BNIPL: variants seen among roughly 807,000 people sequenced by gnomAD.
BNIPL encodes the protein bcl-2/adenovirus E1B 19 kDa-interacting protein 2-like protein.
In BNIPL, 33 loss-of-function variants were observed where a neutral mutation model predicts 47.0. The observed-to-expected ratio is 0.70, with a 90% CI of 0.53 to 0.94. The LOEUF (loss-of-function observed/expected upper bound fraction) is 0.94, where lower values mean the gene tolerates loss of function less well. Ranked by LOEUF, BNIPL falls within the 40% of genes least tolerant of loss-of-function variation. The pLI is 0.00. For missense variants in BNIPL, 404 were observed against 445.2 expected (o/e 0.91, Z 0.83); for synonymous variants, 145 against 162.7 (o/e 0.89, Z 0.83).
In BNIPL at chr1:151,037,776, G is replaced by C. The variant is rs1675669867; in HGVS notation, c.137+114G>C. 14 of 816,712 alleles carry C rather than the reference G, an allele frequency of 1.7e-5. No individual in the cohort carries two copies. In the South Asian group the frequency reaches 2.2e-4, roughly 13 times the overall value. 50.6% of individuals were successfully genotyped at this position (816,712 alleles called of 1,614,324 possible). A position where few individuals can be genotyped will look rare whatever the true frequency, so the allele number is the denominator to read the frequency against. ...AGCACTTTGGGTGGCCGAGGCGGGTGGATCACCTGAGGTCAGGAGTTTGAG... is the reference window on the plus strand; with the variant it reads ...AGCACTTTGGGTGGCCGAGGCGGGTCGATCACCTGAGGTCAGGAGTTTGAG... On this transcript the variant is annotated intron_variant, in intron 2 of 9. Coordinates refer to ENST00000368931, the MANE Select transcript of BNIPL (RefSeq NM_138278.4).
intron 6 of BNIPL, 63 bp downstream of exon 6, chr1:151,043,497 C>G (rs1354227230): frequency 2.6e-6 from 4 of 1,554,876 alleles, no homozygotes; most frequent in Middle Eastern, 1.7e-4. Context: ...AAAAAGAACT[C>G]CTTCAAAGAT....
At position 151,046,059 on chromosome 1, in the gene BNIPL, CTTT is replaced by C. The variant is rs747198088; in HGVS notation, c.939-6_939-4del. Reference sequence around the variant, plus strand: ...ACAAAACACAGTTGATTTATTCTCTCTTTTCAGTTCCAAATTCACACGAAAAAT... The same window carrying C: ...ACAAAACACAGTTGATTTATTCTCTCTCAGTTCCAAATTCACACGAAAAAT... On this transcript the variant is annotated splice_polypyrimidine_tract_variant and splice_region_variant and intron_variant, in intron 8 of 9. Transcript: ENST00000368931. 19 of 1,614,028 alleles carry C rather than the reference CTTT, an allele frequency of 1.2e-5. No homozygotes were observed. Among genetic ancestry groups the C allele is most frequent in the Non-Finnish European group, 1.6e-5 (19 of 1,180,042 alleles).
In BNIPL at chr1:151,038,525, C is replaced by A; in HGVS notation, c.159C>A (p.Gly53=). The change falls in exon 3 of 10, where the codon GGC becomes GGA. Residue 53 remains glycine, a synonymous_variant. Transcript: ENST00000368931. Reference sequence around the variant, plus strand: ...CTAGATTGCTTCCTGAGGAGGCTGGCACTTCTGAAGATCCTGAAGACCCTA... The same window carrying A: ...CTAGATTGCTTCCTGAGGAGGCTGGAACTTCTGAAGATCCTGAAGACCCTA... ...EFPRLLPEEA[G]TSEDPEDPKG... is the part of the protein sequence containing the mutation. 2 of 1,613,650 alleles carry A rather than the reference C, an allele frequency of 1.2e-6. No homozygotes were observed. The highest frequency in any genetic ancestry group is 1.7e-6 in the Non-Finnish European group (2 of 1,179,612).
chr1:151,038,726 A>G lies in BNIPL; in HGVS notation c.203-70A>G, dbSNP rs1675714692. The G allele has an allele frequency of 7.7e-6, 12 of 1,551,084 alleles. No homozygotes were observed. The South Asian group carries it at 1.1e-4, about 14-fold the overall frequency. ...ACCCCATATTATCACTTTCACATAC[A>G]GGAATTCTAGCCCTCTCGGCTCTCC... On this transcript the variant is annotated intron_variant, in intron 3 of 9. Transcript: ENST00000368931.
intron 4 of BNIPL, among the ~76,000 whole-genome samples, chr1:151,042,026 TTTA>T (rs587703205): frequency 6.6e-6 from 1 of 151,522 alleles, no homozygotes. Flanking sequence ...GAATAATTTA[TTTA>T]TTATTATTAT....
At position 151,046,518 on chromosome 1, in the gene BNIPL, A is replaced by C. The variant is rs984105656; in HGVS notation, c.1038-133A>C. 1.2e-5 allele frequency: 10 copies of C among 815,276 alleles called. No individual in the cohort carries two copies. In the African/African-American group the frequency reaches 1.7e-4, roughly 14 times the overall value. 50.5% of individuals were successfully genotyped at this position (815,276 alleles called of 1,614,324 possible). On this transcript the variant is annotated intron_variant, in intron 9 of 9. Coordinates refer to ENST00000368931, the MANE Select transcript of BNIPL (RefSeq NM_138278.4). ...AGTGGGGGAGAGGGTGTTAGGGAGC[A>C]AAAGTGCTAAATGATGACTCAACCC...
intron 9 of BNIPL, 103 bp from the exon 10 acceptor site, chr1:151,046,548 A>G: frequency 9.2e-7 from 1 of 1,092,030 alleles, no homozygotes. Flanking sequence ...CAACCCAATC[A>G]TCTAGCTCTT....
intron 1 of BNIPL, chr1:151,037,304 C>T (rs1675645676): frequency 5.3e-6 from 6 of 1,139,138 alleles, no homozygotes; most frequent in Non-Finnish European, 6.6e-6. Flanking sequence ...TCTCTCACCC[C>T]AACTTTGTAG....
At chr1:151,044,661 C>T (rs1329387679) in intron 7 of BNIPL, among the ~76,000 whole-genome samples, 1 of 152,028 alleles carries the variant, frequency 6.6e-6, no homozygotes, top group Non-Finnish European at 1.5e-5. Context: ...TGCCATGTTT[C>T]TCAGGCCAGT....
chr1:151,046,283 G>A, intron 9 of BNIPL, 118 bp downstream of exon 9: 1 of 1,453,304 alleles, frequency 6.9e-7, no homozygotes, highest in Non-Finnish European at 9.1e-7. Flanking sequence ...CTGTTTTCGG[G>A]TGCTTTAATG....
At chr1:151,038,101 G>A (rs975623090) in intron 2 of BNIPL, among the ~76,000 whole-genome samples, 5 of 151,530 alleles carry the variant, frequency 3.3e-5, no homozygotes, top group Admixed American at 6.6e-5. Context: ...GAGGCCGGGC[G>A]TGGTGGCTGA....
intron 4 of BNIPL, among the ~76,000 whole-genome samples, 175 bp downstream of exon 4, chr1:151,039,201 A>G (rs774257900): frequency 3.3e-5 from 5 of 152,178 alleles, no homozygotes; most frequent in Non-Finnish European, 5.9e-5. Flanking sequence ...GAGAGTAGTC[A>G]GTAGAGGGGG....
chr1:151,044,810 C>G (rs1675948842), intron 7 of BNIPL: 1 of 1,280,184 alleles, frequency 7.8e-7, no homozygotes, highest in Non-Finnish European at 1.0e-6. Context: ...GTTCCCCCAT[C>G]TCCATTTGCT....
intron 9 of BNIPL, 132 bp downstream of exon 9, chr1:151,046,297 A>AT: frequency 1.5e-6 from 2 of 1,376,910 alleles, no homozygotes; most frequent in South Asian, 2.9e-5. Context: ...TTTAATGTAT[A>AT]TGGGGAAACT....
At chr1:151,039,416 A>G (rs962548103) in intron 4 of BNIPL, among the ~76,000 whole-genome samples, 1 of 152,114 alleles carries the variant, frequency 6.6e-6, no homozygotes, top group African/African-American at 2.4e-5. Context: ...GGAGAAGGAA[A>G]AGGTCAGTTC....
intron 9 of BNIPL, 88 bp from the exon 10 acceptor site, chr1:151,046,563 T>G (rs1004507711): frequency 1.6e-6 from 2 of 1,254,890 alleles, no homozygotes; most frequent in Non-Finnish European, 2.3e-6. Flanking sequence ...GCTCTTCCAA[T>G]TCACCTGGCT....
At chr1:151,039,124 G>C in intron 4 of BNIPL, 98 bp downstream of exon 4, 1 of 1,347,982 alleles carries the variant, frequency 7.4e-7, no homozygotes, top group Non-Finnish European at 9.6e-7. Context: ...CTAATAAGGT[G>C]GGACCAAGGG....
intron 9 of BNIPL, 38 bp from the exon 10 acceptor site, chr1:151,046,613 C>T (rs368362764): frequency 1.9e-6 from 3 of 1,566,750 alleles, no homozygotes; most frequent in Admixed American, 1.7e-5. Flanking sequence ...AGTCCTACCC[C>T]CTGAACCACT....
rs376968354 is a variant in BNIPL at position 151,038,916 on chromosome 1, C to A, written c.323C>A (p.Thr108Asn). 1 of 1,614,068 alleles carries A rather than the reference C, an allele frequency of 6.2e-7. No homozygotes were observed. Among genetic ancestry groups the A allele is most frequent in the Non-Finnish European group, 8.5e-7 (1 of 1,179,966 alleles). ...KGPGNDGASP[T>N]QSAPSSPDGS... Reference sequence around the variant, plus strand: ...CCTGGAAATGATGGAGCTTCACCCACCCAGTCTGCACCTTCCTCTCCTGAT... The same window carrying A: ...CCTGGAAATGATGGAGCTTCACCCAACCAGTCTGCACCTTCCTCTCCTGAT... Residue 108 changes from threonine to asparagine, a missense_variant, in exon 4 of 10, where the codon ACC (threonine) becomes AAC (asparagine). By Grantham distance (65) the Thr-to-Asn change is moderately conservative (BLOSUM62 0). Coordinates refer to ENST00000368931, the MANE Select transcript of BNIPL (RefSeq NM_138278.4).
Sources: gnomAD v4.1 joint callset for allele counts (sites outside exome capture counted in the v4.1 genomes callset) on GRCh38, gnomAD v4.1.1 for gene constraint, MANE v1.5 for transcripts, NCBI Gene and HGNC (gene_info 2026-07-23, HGNC 2026-07-21) for gene names.